LRRC4C: variants seen among roughly 807,000 people sequenced by gnomAD.
LRRC4C encodes the protein leucine rich repeat containing 4C.
In LRRC4C, 5 loss-of-function variants were observed where a neutral mutation model predicts 33.6. The observed-to-expected ratio is 0.15, with a 90% CI of 0.08 to 0.31. The LOEUF is 0.31. Ranked by LOEUF, LRRC4C falls within the 10% of genes least tolerant of loss-of-function variation. The pLI is 1.00. For missense variants in LRRC4C, 560 were observed against 796.7 expected, an observed-to-expected ratio of 0.70 and a Z score of 3.58; for synonymous variants, 329 against 302.0, an observed-to-expected ratio of 1.09 and a Z score of -0.93.
chr11:40,787,844 A>G (rs540646999), intron 2 of LRRC4C, among the ~76,000 whole-genome samples: 1 of 152,292 alleles, frequency 6.6e-6, no homozygotes, highest in Admixed American at 6.5e-5. Context: ...ATGCTTGCCC[A>G]GTGATTTCAA....
chr11:40,165,359 C>T (rs1474051619), intron 5 of LRRC4C, among the ~76,000 whole-genome samples: 3 of 151,904 alleles, frequency 2.0e-5, no homozygotes, highest in African/African-American at 7.3e-5. Context: ...GTGTGTGCAT[C>T]TATATGAGTG....
intron 2 of LRRC4C, among the ~76,000 whole-genome samples, chr11:40,867,687 T>A (rs1348952675): frequency 1.3e-5 from 2 of 152,200 alleles, no homozygotes; most frequent in African/African-American, 2.4e-5. Flanking sequence ...ATTCAGGGCC[T>A]TCCGTCAATA....
chr11:41,285,670 T>G (rs1949803455), intron 1 of LRRC4C, among the ~76,000 whole-genome samples: 1 of 152,182 alleles, frequency 6.6e-6, no homozygotes, highest in Admixed American at 6.5e-5. Context: ...CTGAGTCTGC[T>G]GCAGATTTTT....
At chr11:40,810,237 A>G (rs932975102) in intron 2 of LRRC4C, among the ~76,000 whole-genome samples, 1 of 152,202 alleles carries the variant, frequency 6.6e-6, no homozygotes, top group Non-Finnish European at 1.5e-5. Context: ...AAATTGAGAC[A>G]CATGAATACT....
At chr11:40,658,312 C>G (rs1943240045) in intron 2 of LRRC4C, among the ~76,000 whole-genome samples, 1 of 152,186 alleles carries the variant, frequency 6.6e-6, no homozygotes, top group South Asian at 2.1e-4. Context: ...AAGGTTGAAT[C>G]ATGATGCTTA....
chr11:40,534,356 A>G (rs1394769836), intron 3 of LRRC4C, among the ~76,000 whole-genome samples: 2 of 152,176 alleles, frequency 1.3e-5, no homozygotes, highest in African/African-American at 4.8e-5. Flanking sequence ...CATAGTACTT[A>G]AAAATAATAA....
rs1268402542 is a variant in LRRC4C, at chr11:40,114,540, G to T, written c.1753C>A (p.Leu585Met). 1.2e-6 allele frequency: 2 copies of T among 1,614,000 alleles called. No individual in the cohort carries two copies. Among genetic ancestry groups the T allele is most frequent in the African/African-American group, 2.7e-5 (2 of 74,906 alleles). Residue 585 changes from leucine to methionine, a missense_variant, in exon 7 of 7, where the codon CTG becomes ATG. Leu to Met is a conservative substitution (Grantham distance 15, BLOSUM62 2). This residue lies in a region of LRRC4C where 103 missense variants were observed against 132.1 expected (regional missense o/e 0.78). Transcript: ENST00000528697. ...ITGDTPMESHLPMPAIEHEHL... is the reference protein window; with the variant it reads ...ITGDTPMESHMPMPAIEHEHL... ...TCATGCTCGATAGCAGGCATGGGCA[G>T]GTGGCTTTCCATGGGTGTGTCTCCC...
rs545482479 is a variant in LRRC4C, at chr11:41,147,327, A to C, written c.-495-213604T>G. On this transcript the variant is annotated intron_variant, in intron 1 of 6. Coordinates refer to ENST00000528697, the MANE Select transcript of LRRC4C (RefSeq NM_001258419.2). Reference sequence around the variant, plus strand: ...ATTCATCTGCTATTCCTGTTCATCAATGCCAGTGCTTATCACCTCGGTGAG... The same window carrying C: ...ATTCATCTGCTATTCCTGTTCATCACTGCCAGTGCTTATCACCTCGGTGAG... 1.9e-4 allele frequency among the ~76,000 whole-genome samples: 29 copies of C among 152,300 alleles called. 2 individuals are homozygous for C. The South Asian group carries it at 3.9e-3, about 21-fold the overall frequency.
chr11:40,430,997 A>G (rs1950903009), intron 3 of LRRC4C, among the ~76,000 whole-genome samples: 1 of 147,596 alleles, frequency 6.8e-6, no homozygotes, highest in Non-Finnish European at 1.5e-5. Flanking sequence ...ACCTAATGCT[A>G]GATGAGGAGT....
intron 4 of LRRC4C, among the ~76,000 whole-genome samples, chr11:40,285,445 C>A (rs995018135): frequency 1.2e-4 from 18 of 152,154 alleles, no homozygotes; most frequent in Non-Finnish European, 2.4e-4. Flanking sequence ...ACAATGAGGA[C>A]CTCATCTGGT....
chr11:40,591,035 ACCTAAG>A (rs1280435493), intron 3 of LRRC4C, among the ~76,000 whole-genome samples: 1 of 151,888 alleles, frequency 6.6e-6, no homozygotes, highest in Admixed American at 6.6e-5. Flanking sequence ...TGCTTTGTTT[ACCTAAG>A]CACGCCTGGG....
chr11:41,407,483 G>A (rs1161619329), intron 1 of LRRC4C, among the ~76,000 whole-genome samples: 2 of 151,842 alleles, frequency 1.3e-5, no homozygotes, highest in African/African-American at 4.8e-5. Flanking sequence ...TAAACTTTTT[G>A]TAGAGATAGG....
At chr11:40,884,051 C>G (rs1484058402) in intron 2 of LRRC4C, among the ~76,000 whole-genome samples, 1 of 152,028 alleles carries the variant, frequency 6.6e-6, no homozygotes, top group African/African-American at 2.4e-5. Context: ...TGTCCTAATG[C>G]TCTCCCTCTC....
At chr11:41,343,259 T>C (rs949136121) in intron 1 of LRRC4C, among the ~76,000 whole-genome samples, 19 of 152,196 alleles carry the variant, frequency 1.2e-4, no homozygotes, top group Admixed American at 2.0e-4. Flanking sequence ...GATGCATATT[T>C]GCCTAACATC....
intron 3 of LRRC4C, among the ~76,000 whole-genome samples, chr11:40,568,494 T>G (rs183412932): frequency 5.3e-5 from 8 of 152,218 alleles, no homozygotes; most frequent in Non-Finnish European, 8.8e-5. Context: ...TGTAAGCCAT[T>G]AAGTTTTGGG....
intron 3 of LRRC4C, among the ~76,000 whole-genome samples, chr11:40,407,606 A>G (rs1950007680): frequency 6.6e-6 from 1 of 152,082 alleles, no homozygotes; most frequent in African/African-American, 2.4e-5. Flanking sequence ...AGGCTGGGCT[A>G]AGGCAATGGC....
chr11:40,317,421 C>T (rs1231599318), intron 4 of LRRC4C, among the ~76,000 whole-genome samples: 8 of 151,998 alleles, frequency 5.3e-5, no homozygotes, highest in African/African-American at 1.7e-4. Context: ...AGTATCCAGA[C>T]TGAAATCTTA....
intron 3 of LRRC4C, among the ~76,000 whole-genome samples, chr11:40,422,700 A>AT (rs968772085): frequency 2.0e-5 from 3 of 151,952 alleles, no homozygotes; most frequent in Non-Finnish European, 4.4e-5. Context: ...TACAAAAAAA[A>AT]AAAGCAAATT....
At chr11:41,024,608 T>C (rs1856214042) in intron 1 of LRRC4C, among the ~76,000 whole-genome samples, 1 of 151,708 alleles carries the variant, frequency 6.6e-6, no homozygotes, top group Non-Finnish European at 1.5e-5. Flanking sequence ...AGCAACCTTA[T>C]GTCTTATTTA....
Sources: gnomAD v4.1 joint callset for allele counts (sites outside exome capture counted in the v4.1 genomes callset) on GRCh38, gnomAD v4.1.1 for gene constraint, gnomAD v4.1.1 regional missense constraint, MANE v1.5 for transcripts, NCBI Gene and HGNC (gene_info 2026-07-23, HGNC 2026-07-21) for gene names.